Variants in POU2F3 observed in about 807,000 individuals in gnomAD.
POU2F3 encodes the protein POU domain, class 2, transcription factor 3.
In POU2F3, 23 loss-of-function variants were observed where a neutral mutation model predicts 59.2. The ratio of observed to expected loss-of-function variants is 0.39; its 90% CI spans 0.28 to 0.55. The LOEUF is 0.55. Among genes scored for constraint, POU2F3 ranks in the 20% least tolerant of loss-of-function variants. POU2F3 has a pLI of 0.66. For synonymous variants in POU2F3, 190 were observed against 214.6 expected (o/e 0.89, Z 1.00); for missense variants, 473 against 544.5 (o/e 0.87, Z 1.31).
At chr11:120,255,975 T>C (rs1335987698) in intron 2 of POU2F3, 1 of 152,124 alleles carries the variant, frequency 6.6e-6, no homozygotes, top group African/African-American at 2.4e-5. Flanking sequence ...GACAGATGGA[T>C]TCTGGACTCA....
intron 2 of POU2F3, among the ~76,000 whole-genome samples, chr11:120,260,199 C>T (rs561922162): frequency 6.6e-6 from 1 of 152,256 alleles, no homozygotes; most frequent in East Asian, 1.9e-4. Flanking sequence ...GCTTCCACCT[C>T]CCTCACCCAG....
chr11:120,280,753 T>C (rs60676831), intron 3 of POU2F3, among the ~76,000 whole-genome samples: 12,453 of 152,204 alleles, frequency 0.082, 1,652 homozygotes, highest in African/African-American at 0.27. Flanking sequence ...CAAAGCCCTG[T>C]CAGTCATACC....
chr11:120,296,402 T>A (rs1308582722), intron 3 of POU2F3, among the ~76,000 whole-genome samples: 4 of 152,240 alleles, frequency 2.6e-5, no homozygotes, highest in Non-Finnish European at 5.9e-5. Flanking sequence ...TTTTTTCATT[T>A]TATCTAACTT....
intron 2 of POU2F3, among the ~76,000 whole-genome samples, chr11:120,250,778 C>G (rs1331215672): frequency 6.6e-6 from 1 of 152,126 alleles, no homozygotes; most frequent in Non-Finnish European, 1.5e-5. Flanking sequence ...GAGTTCAAGA[C>G]CAACCTGGAC....
intron 3 of POU2F3, among the ~76,000 whole-genome samples, chr11:120,280,647 A>AGT (rs71050731): frequency 6.6e-6 from 1 of 151,250 alleles, no homozygotes; most frequent in East Asian, 1.9e-4. Flanking sequence ...AGAGAGAGAG[A>AGT]GTGTGTTTGT....
intron 2 of POU2F3, among the ~76,000 whole-genome samples, chr11:120,267,131 C>T (rs1438114985): frequency 1.3e-5 from 2 of 151,206 alleles, no homozygotes; most frequent in African/African-American, 4.9e-5. Flanking sequence ...CTTAGCAGAT[C>T]TCTTTTTTTT....
chr11:120,286,268 G>A (rs933997459), intron 3 of POU2F3, among the ~76,000 whole-genome samples: 6 of 152,086 alleles, frequency 3.9e-5, no homozygotes, highest in East Asian at 1.9e-4. Flanking sequence ...ATTTTACAAC[G>A]CTGTGATGAA....
At chr11:120,263,843 G>A (rs888836858) in intron 2 of POU2F3, among the ~76,000 whole-genome samples, 4 of 152,204 alleles carry the variant, frequency 2.6e-5, no homozygotes, top group Non-Finnish European at 2.9e-5. Flanking sequence ...ACGTGTTCAG[G>A]TTTCTGTGGA....
intron 8 of POU2F3, 88 bp from the exon 9 acceptor site, chr11:120,307,391 G>A (rs561881096): frequency 1.3e-4 from 188 of 1,484,284 alleles, no homozygotes; most frequent in South Asian, 4.6e-4. Context: ...AGAGCCCATC[G>A]GGAAGGGTTG....
intron 5 of POU2F3, chr11:120,302,016 C>G: frequency 2.5e-6 from 1 of 406,330 alleles, no homozygotes; most frequent in Non-Finnish European, 4.4e-6. Flanking sequence ...AGCCTCTACG[C>G]CTCTCCAGAC....
chr11:120,290,151 C>T (rs1318092693), intron 3 of POU2F3, among the ~76,000 whole-genome samples: 1 of 152,190 alleles, frequency 6.6e-6, no homozygotes, highest in African/African-American at 2.4e-5. Context: ...ACAAGGAAGA[C>T]CTCAGTCTTC....
upstream of POU2F3, among the ~76,000 whole-genome samples, chr11:120,236,908 CAT>C (rs200399881): frequency 3.0e-4 from 45 of 152,296 alleles, no homozygotes; most frequent in East Asian, 7.5e-3. Flanking sequence ...TCTGCTGAGC[CAT>C]ATGTTTGTTC....
intron 2 of POU2F3, chr11:120,258,959 A>G (rs1036723205): frequency 6.6e-6 from 1 of 152,200 alleles, no homozygotes; most frequent in Non-Finnish European, 1.5e-5. Flanking sequence ...CTAACGAACA[A>G]AGAGACCTTG....
At position 120,305,088 on chromosome 11, in the gene POU2F3, A is replaced by C; in HGVS notation, c.503A>C (p.Gln168Pro). Reference sequence around the variant, plus strand: ...TTAGAACCCCACCTGGAAGCATCCCAGCATCTCCCAGTGCCCAAGCATCTA... The same window carrying C: ...TTAGAACCCCACCTGGAAGCATCCCCGCATCTCCCAGTGCCCAAGCATCTA... ...SSLEPHLEAS[Q>P]HLPVPKHLPS... Residue 168 changes from glutamine (Q) to proline (P), a missense_variant, in exon 7 of 13, where the codon CAG (glutamine) becomes CCG (proline). Physicochemically the swap from Gln to Pro is moderately conservative, Grantham distance 76. Transcript: ENST00000543440. 6.2e-7 allele frequency: 1 copy of C among 1,613,784 alleles called. No homozygotes were observed. Among genetic ancestry groups the C allele is most frequent in the Admixed American group, 1.7e-5 (1 of 59,982 alleles).
chr11:120,305,099 G>C lies in POU2F3; in HGVS notation c.514G>C (p.Val172Leu), dbSNP rs1237316702. ...PHLEASQHLPVPKHLPSSGGA... is the reference protein window; with the variant it reads ...PHLEASQHLPLPKHLPSSGGA... ...CCTGGAAGCATCCCAGCATCTCCCA[G>C]TGCCCAAGCATCTACCCAGCTCTGG... The change falls in exon 7 of 13, where the codon GTG becomes CTG. Residue 172 changes from valine (V) to leucine (L), a missense_variant. By Grantham distance (32) the Val-to-Leu change is conservative. Coordinates refer to ENST00000543440, the MANE Select transcript of POU2F3 (RefSeq NM_014352.4). 11 of 1,613,950 alleles carry C rather than the reference G, an allele frequency of 6.8e-6. No individual in the cohort carries two copies. Among genetic ancestry groups the C allele is most frequent in the Non-Finnish European group, 9.3e-6 (11 of 1,180,004 alleles).
rs1299546047 is a variant in POU2F3, at chr11:120,319,931, T to C, written c.*1539T>C. 6.6e-6 allele frequency: 1 copy of C among 152,496 alleles called. No individual in the cohort carries two copies. Among genetic ancestry groups the C allele is most frequent in the Admixed American group, 6.6e-5 (1 of 15,258 alleles). 9.4% of individuals were successfully genotyped at this position (152,496 alleles called of 1,614,324 possible). A position where few individuals can be genotyped will look rare whatever the true frequency, so the allele number is the denominator to read the frequency against. On this transcript the variant is annotated 3_prime_UTR_variant, in exon 13 of 13. Transcript: ENST00000543440. ...ACTGTTCCTAAATAAATGTGTATAG[T>C]GATTATGAAAAGTATCCCACTGTTG... is the stretch of plus-strand genomic sequence containing the variant.
intron 3 of POU2F3, among the ~76,000 whole-genome samples, chr11:120,278,710 G>T (rs1256610934): frequency 6.6e-6 from 1 of 152,178 alleles, no homozygotes; most frequent in Non-Finnish European, 1.5e-5. Flanking sequence ...GAATGTTCAG[G>T]CAGGAGATAA....
At chr11:120,309,948 C>T (rs717051) in intron 10 of POU2F3, among the ~76,000 whole-genome samples, 18,082 of 151,950 alleles carry the variant, frequency 0.12, 1,386 homozygotes, top group South Asian at 0.23. Context: ...GGGGACAGAA[C>T]GAGAAAGGGG....
intron 9 of POU2F3, 38 bp downstream of exon 9, chr11:120,307,653 TCA>T: frequency 6.2e-7 from 1 of 1,611,672 alleles, no homozygotes; most frequent in Non-Finnish European, 8.5e-7. Flanking sequence ...GTGGGCTACC[TCA>T]CACAGGTAGG....
Sources: gnomAD v4.1 joint callset for allele counts (sites outside exome capture counted in the v4.1 genomes callset) on GRCh38, gnomAD v4.1.1 for gene constraint, MANE v1.5 for transcripts, NCBI Gene and HGNC (gene_info 2026-07-23, HGNC 2026-07-21) for gene names.